OXR1: variants seen among roughly 807,000 people sequenced by gnomAD.
OXR1 encodes the protein oxidation resistance protein 1.
A neutral mutation model predicts 104.6 loss-of-function variants in OXR1; 41 were observed. The ratio of observed to expected loss-of-function variants is 0.39; its 90% CI spans 0.31 to 0.51. The LOEUF (loss-of-function observed/expected upper bound fraction) is 0.51, where lower values mean the gene tolerates loss of function less well. Among genes scored for constraint, OXR1 ranks in the 20% least tolerant of loss-of-function variants. OXR1 has a pLI of 0.77. For synonymous variants in OXR1, 348 were observed against 348.4 expected, an observed-to-expected ratio of 1.00 and a Z score of 0.01; for missense variants, 955 against 1,031.9, an observed-to-expected ratio of 0.93 and a Z score of 1.02.
At chr8:106,437,368 C>A (rs1017463100) in intron 2 of OXR1, among the ~76,000 whole-genome samples, 4 of 152,082 alleles carry the variant, frequency 2.6e-5, no homozygotes, top group Non-Finnish European at 4.4e-5. Flanking sequence ...TAAAATGTCC[C>A]TCTTCATATC....
chr8:106,598,917 C>G (rs545688446), intron 3 of OXR1, among the ~76,000 whole-genome samples: 59 of 152,192 alleles, frequency 3.9e-4, no homozygotes, highest in Non-Finnish European at 1.3e-4. Context: ...GAAATAGAAG[C>G]TGAATTTGTA....
In OXR1 at chr8:106,692,227, G is replaced by A. The variant is rs574309927; in HGVS notation, c.526-501G>A. ...TCTAGTGGAATGGGATTTATCAACT[G>A]TAGCTCGAGATTTAAAAGGCTATTC... is the stretch of plus-strand genomic sequence containing the variant. On this transcript the variant is annotated intron_variant, in intron 6 of 16. Transcript: ENST00000517566. Among the ~76,000 whole-genome samples the A allele has an allele frequency of 7.2e-5, 11 of 152,098 alleles. No homozygotes were observed. The South Asian group carries it at 1.9e-3, about 26-fold the overall frequency.
At chr8:106,646,870 G>C (rs1023627263) in intron 3 of OXR1, among the ~76,000 whole-genome samples, 2 of 152,176 alleles carry the variant, frequency 1.3e-5, no homozygotes, top group Non-Finnish European at 2.9e-5. Context: ...GGTTTTTAAA[G>C]CTTTATTGAG....
chr8:106,400,004 C>CAA (rs1177374180), intron 2 of OXR1, among the ~76,000 whole-genome samples: 1 of 152,104 alleles, frequency 6.6e-6, no homozygotes, highest in East Asian at 1.9e-4. Context: ...TGTTGTGGCC[C>CAA]TTCTGTTCTA....
chr8:106,745,891 AT>A, intron 16 of OXR1, 29 bp downstream of exon 16: 1 of 1,241,058 alleles, frequency 8.1e-7, no homozygotes, highest in Non-Finnish European at 1.2e-6. Flanking sequence ...TCACTATGAG[AT>A]TTTTGAAGAA....
At chr8:106,558,383 C>T (rs967144983) in intron 3 of OXR1, among the ~76,000 whole-genome samples, 1 of 152,180 alleles carries the variant, frequency 6.6e-6, no homozygotes, top group African/African-American at 2.4e-5. Context: ...TGGATTCCCC[C>T]TGCCAGGTGA....
Position 106,366,413 on chromosome 8 carries a change from G to A in OXR1, c.23+6777G>A, listed in dbSNP as rs190855853. On this transcript the variant is annotated intron_variant, in intron 2 of 16. Coordinates refer to ENST00000517566, the MANE Select transcript of OXR1 (RefSeq NM_001198533.2). ...ACCCATTTGTGGACTTGAACAATTA[G>A]GTAAAAGACCAGCAAATCGTCTACG... is the stretch of plus-strand genomic sequence containing the variant. Among the ~76,000 whole-genome samples the A allele has an allele frequency of 1.0e-3, 153 of 152,188 alleles. 2 individuals are homozygous for A. The highest frequency in any genetic ancestry group is 3.5e-3 in the Admixed American group (54 of 15,298).
chr8:106,601,728 A>C (rs557093642), intron 3 of OXR1, among the ~76,000 whole-genome samples: 2 of 152,362 alleles, frequency 1.3e-5, no homozygotes, highest in Admixed American at 6.5e-5. Context: ...GCCTATGGGA[A>C]TGTGAACATG....
intron 4 of OXR1, among the ~76,000 whole-genome samples, chr8:106,680,173 T>C (rs1364004602): frequency 2.0e-5 from 3 of 152,104 alleles, no homozygotes; most frequent in African/African-American, 7.2e-5. Flanking sequence ...TTTTAAATAT[T>C]TTTAAAAGGA....
At chr8:106,660,665 T>C (rs1439042233) in intron 3 of OXR1, among the ~76,000 whole-genome samples, 2 of 152,132 alleles carry the variant, frequency 1.3e-5, no homozygotes, top group East Asian at 3.9e-4. Flanking sequence ...TCAGCAATGA[T>C]GTTGATAAGA....
At chr8:106,415,579 G>GAGAGAGAGC (rs1554571059) in intron 2 of OXR1, among the ~76,000 whole-genome samples, 246 of 150,584 alleles carry the variant, frequency 1.6e-3, no homozygotes, top group African/African-American at 5.5e-3. Flanking sequence ...CTGAGAGAGA[G>GAGAGAGAGC]AGAGAGACAG....
intron 12 of OXR1, 143 bp from the exon 13 acceptor site, chr8:106,739,315 C>G: frequency 1.5e-6 from 1 of 660,582 alleles, no homozygotes; most frequent in Non-Finnish European, 2.6e-6. Flanking sequence ...AGATATGGGC[C>G]ATCTTTTGCC....
intron 2 of OXR1, among the ~76,000 whole-genome samples, chr8:106,391,571 C>A (rs1239940059): frequency 2.6e-5 from 4 of 152,064 alleles, no homozygotes; most frequent in Admixed American, 1.3e-4. Flanking sequence ...GATTTCAAGT[C>A]TGTGTCCCTT....
At chr8:106,629,375 T>C (rs546835087) in intron 3 of OXR1, among the ~76,000 whole-genome samples, 3 of 152,240 alleles carry the variant, frequency 2.0e-5, no homozygotes, top group African/African-American at 7.2e-5. Context: ...GGAGATCAAC[T>C]GATGAGCACA....
At chr8:106,585,029 T>G (rs1818525370) in intron 3 of OXR1, among the ~76,000 whole-genome samples, 1 of 152,174 alleles carries the variant, frequency 6.6e-6, no homozygotes, top group African/African-American at 2.4e-5. Flanking sequence ...CAAAACATAA[T>G]TTAAATGCCA....
chr8:106,290,941 T>A (rs1271077838), intron 1 of OXR1, among the ~76,000 whole-genome samples: 1 of 152,144 alleles, frequency 6.6e-6, no homozygotes, highest in Non-Finnish European at 1.5e-5. Flanking sequence ...TCCCATTGCT[T>A]GGTATATGGC....
intron 2 of OXR1, among the ~76,000 whole-genome samples, chr8:106,442,092 A>G (rs1053410883): frequency 3.9e-5 from 6 of 152,176 alleles, no homozygotes; most frequent in African/African-American, 9.6e-5. Flanking sequence ...TGTGCCATAA[A>G]TACCTAGTTT....
intron 3 of OXR1, among the ~76,000 whole-genome samples, chr8:106,600,496 G>T (rs755086647): frequency 1.3e-5 from 2 of 152,158 alleles, no homozygotes; most frequent in Admixed American, 1.3e-4. Context: ...CAAGTCCTTT[G>T]CCAATCATAT....
chr8:106,502,382 A>G (rs1811871172), intron 2 of OXR1, among the ~76,000 whole-genome samples: 3 of 152,252 alleles, frequency 2.0e-5, no homozygotes, highest in African/African-American at 7.2e-5. Flanking sequence ...AGATAGAGAC[A>G]GGAAAGGAGC....
Sources: allele counts gnomAD v4.1 joint callset (sites outside exome capture counted in the v4.1 genomes callset), GRCh38; gene constraint gnomAD v4.1.1; transcripts MANE v1.5; gene names NCBI Gene and HGNC (gene_info 2026-07-23, HGNC 2026-07-21).